The following SFMBT2 variants were observed in gnomAD, a reference collection of about 807,000 sequenced individuals.
SFMBT2 encodes the protein Scm like with four mbt domains 2.
A neutral mutation model predicts 110.1 loss-of-function variants in SFMBT2; 38 were observed. The ratio of observed to expected loss-of-function variants is 0.35; its 90% CI spans 0.27 to 0.45. The LOEUF is 0.45. SFMBT2 is among the 20% of genes least tolerant of loss of function. SFMBT2 has a pLI of 1.00. For missense variants in SFMBT2, 1,011 were observed against 1,094.9 expected (o/e 0.92, Z 1.08); for synonymous variants, 425 against 425.4 (o/e 1.00, Z 0.01).
intron 15 of SFMBT2, among the ~76,000 whole-genome samples, chr10:7,197,133 G>A (rs1442945844): frequency 6.6e-6 from 1 of 152,106 alleles, no homozygotes; most frequent in African/African-American, 2.4e-5. Flanking sequence ...ACCCGGCCAA[G>A]GAGCGCCATT....
intron 1 of SFMBT2, among the ~76,000 whole-genome samples, chr10:7,386,114 A>G (rs1473799975): frequency 6.6e-6 from 1 of 152,184 alleles, no homozygotes; most frequent in African/African-American, 2.4e-5. Context: ...GTGTTTCACA[A>G]TCCACATTTC....
chr10:7,254,210 C>T (rs1250835803), intron 7 of SFMBT2, among the ~76,000 whole-genome samples: 2 of 152,096 alleles, frequency 1.3e-5, no homozygotes, highest in African/African-American at 4.8e-5. Context: ...TGACAAAAAC[C>T]CAATGATGTC....
Position 7,284,004 on chromosome 10 carries a change from C to T in SFMBT2, c.672G>A (p.Glu224=). Residue 224 remains glutamate (E), a synonymous_variant, in exon 6 of 21, where the codon GAG becomes GAA. Coordinates refer to ENST00000397167, the MANE Select transcript of SFMBT2 (RefSeq NM_001387889.1). Reference sequence around the variant, plus strand: ...ACCACTGGTCATAGGATTCAGTGTCCTCCAATCCCACATAGCGAAGGCGTA... The same window carrying T: ...ACCACTGGTCATAGGATTCAGTGTCTTCCAATCCCACATAGCGAAGGCGTA... ...GRLRLRYVGL[E]DTESYDQWLF... is the part of the protein sequence containing the mutation. 1.2e-6 allele frequency: 2 copies of T among 1,612,230 alleles called. No homozygotes were observed. Among genetic ancestry groups the T allele is most frequent in the Non-Finnish European group, 1.7e-6 (2 of 1,178,228 alleles).
At chr10:7,232,490 C>G in intron 9 of SFMBT2, among the ~76,000 whole-genome samples, 1 of 152,082 alleles carries the variant, frequency 6.6e-6, no homozygotes, top group East Asian at 1.9e-4. Context: ...TGAGACTTCT[C>G]CAAGTCTGTA....
At chr10:7,216,980 G>A (rs528477142) in intron 11 of SFMBT2, among the ~76,000 whole-genome samples, 1 of 152,274 alleles carries the variant, frequency 6.6e-6, no homozygotes, top group Non-Finnish European at 1.5e-5. Context: ...AGGTGGCCAG[G>A]TCTATGAGGA....
At chr10:7,287,637 G>A (rs552959686) in intron 4 of SFMBT2, among the ~76,000 whole-genome samples, 8 of 152,242 alleles carry the variant, frequency 5.3e-5, no homozygotes, top group Admixed American at 3.3e-4. Context: ...AGCCCTCCAC[G>A]TGGGCAGCCC....
rs1349060609 is a variant in SFMBT2, at chr10:7,162,584, C to G, written c.*1186G>C. 6.6e-6 allele frequency: 1 copy of G among 152,242 alleles called. No homozygotes were observed. The highest frequency in any genetic ancestry group is 1.5e-5 in the Non-Finnish European group (1 of 68,068). The allele number at this position is 152,242 out of a possible 1,614,324, so 9.4% of individuals were successfully genotyped here. A position where few individuals can be genotyped will look rare whatever the true frequency, so the allele number is the denominator to read the frequency against. On this transcript the variant is annotated 3_prime_UTR_variant, in exon 21 of 21. Coordinates refer to ENST00000397167, the MANE Select transcript of SFMBT2 (RefSeq NM_001387889.1). ...CTGCTCGGTGACCTGCTGCAGTGAT[C>G]CTTCTAAGGGGGACGTAGCTGGTTG...
rs1554812962 is a variant in SFMBT2, at chr10:7,384,238, A to AAAAAAAAT, written c.-51-2290_-51-2289insATTTTTTT. On this transcript the variant is annotated intron_variant, in intron 1 of 20. Transcript: ENST00000397167. ...AAAAAAAAAAAAAAAAAAAAAAAAA[A>AAAAAAAAT]CAACCACAGAAAGGACAAATAAGTA... Among the ~76,000 whole-genome samples the AAAAAAAAT allele has an allele frequency of 6.7e-4, 98 of 145,504 alleles. 1 individual carries two copies. The highest frequency in any genetic ancestry group is 1.2e-3 in the Non-Finnish European group (76 of 64,956).
intron 4 of SFMBT2, among the ~76,000 whole-genome samples, chr10:7,287,077 C>A: frequency 1.0e-5 from 1 of 99,676 alleles, no homozygotes; most frequent in South Asian, 3.4e-4. Context: ...TTTGAGGCAT[C>A]TTTTTTTTTT....
chr10:7,265,639 C>A (rs959218428), intron 7 of SFMBT2, among the ~76,000 whole-genome samples: 1 of 152,184 alleles, frequency 6.6e-6, no homozygotes, highest in African/African-American at 2.4e-5. Flanking sequence ...AAAGTGCCAT[C>A]CTTAGTTGTA....
chr10:7,227,836 T>A lies in SFMBT2; in HGVS notation c.1203+19A>T, dbSNP rs1286112806. The A allele has an allele frequency of 6.3e-7, 1 of 1,593,300 alleles. No individual in the cohort carries two copies. Among genetic ancestry groups the A allele is most frequent in the Admixed American group, 1.8e-5 (1 of 54,902 alleles). On this transcript the variant is annotated intron_variant, in intron 10 of 20. Coordinates refer to ENST00000397167, the MANE Select transcript of SFMBT2 (RefSeq NM_001387889.1). ...AAATCTATGATTTTTAAAAATTAGG[T>A]AAGAGAGAAGCTTCTTACATTTCGG...
rs1483678159 is a variant in SFMBT2, at chr10:7,370,895, C to A, written c.101-520G>T. ...GAATTGCTCGAGTGTGTGGGGCCAC[C>A]CAGCCAGTCAACAACACAAACCGAC... On this transcript the variant is annotated intron_variant, in intron 2 of 20. Coordinates refer to ENST00000397167, the MANE Select transcript of SFMBT2 (RefSeq NM_001387889.1). 5 of 660,090 alleles carry A rather than the reference C, an allele frequency of 7.6e-6. No individual in the cohort carries two copies. The African/African-American group carries it at 9.8e-5, about 13-fold the overall frequency. 40.9% of individuals were successfully genotyped at this position (660,090 alleles called of 1,614,324 possible). A position where few individuals can be genotyped will look rare whatever the true frequency, so the allele number is the denominator to read the frequency against.
At chr10:7,243,855 A>C in intron 8 of SFMBT2, 150 bp from the exon 9 acceptor site, 1 of 627,370 alleles carries the variant, frequency 1.6e-6, no homozygotes, top group Non-Finnish European at 2.7e-6. Context: ...GTCCATTACT[A>C]AATTAATTCA....
At chr10:7,350,850 G>A (rs1800472419) in intron 4 of SFMBT2, among the ~76,000 whole-genome samples, 1 of 152,200 alleles carries the variant, frequency 6.6e-6, no homozygotes, top group African/African-American at 2.4e-5. Context: ...CTTTTTGGAG[G>A]ATTGAGTGCC....
intron 10 of SFMBT2, among the ~76,000 whole-genome samples, chr10:7,226,524 C>T (rs929267887): frequency 7.9e-5 from 12 of 152,256 alleles, no homozygotes; most frequent in African/African-American, 2.7e-4. Flanking sequence ...CTCTGACCAG[C>T]GAGTGCTTTG....
chr10:7,166,825 C>T (rs1032330231), intron 20 of SFMBT2, among the ~76,000 whole-genome samples: 3 of 152,106 alleles, frequency 2.0e-5, no homozygotes, highest in Admixed American at 6.6e-5. Flanking sequence ...TGGGGAGACA[C>T]CAAAGGTAAA....
chr10:7,167,084 G>C (rs1158701253), intron 20 of SFMBT2, among the ~76,000 whole-genome samples: 2 of 152,216 alleles, frequency 1.3e-5, no homozygotes, highest in East Asian at 3.8e-4. Context: ...GATTTTGATA[G>C]AGCACTCGGG....
intron 20 of SFMBT2, among the ~76,000 whole-genome samples, chr10:7,165,614 G>C (rs1341123541): frequency 6.6e-6 from 1 of 152,194 alleles, no homozygotes; most frequent in African/African-American, 2.4e-5. Context: ...TTAAATTACA[G>C]ATGAGCACTA....
chr10:7,253,356 G>T (rs1840877100), intron 7 of SFMBT2, among the ~76,000 whole-genome samples: 1 of 152,160 alleles, frequency 6.6e-6, no homozygotes, highest in Non-Finnish European at 1.5e-5. Context: ...CATCAAAGTG[G>T]AGGCATCTTA....
Sources: allele counts gnomAD v4.1 joint callset (sites outside exome capture counted in the v4.1 genomes callset), GRCh38; gene constraint gnomAD v4.1.1; transcripts MANE v1.5; gene names NCBI Gene and HGNC (gene_info 2026-07-23, HGNC 2026-07-21).